HSPA12A: variants seen among roughly 807,000 people sequenced by gnomAD.
HSPA12A encodes the protein heat shock 70 kDa protein 12A.
Under a neutral mutation model 69.2 loss-of-function variants are expected in HSPA12A, and 28 were observed. That is an observed-to-expected ratio of 0.40 (90% CI 0.30 to 0.55). HSPA12A has a LOEUF of 0.55. HSPA12A is among the 20% of genes least tolerant of loss of function. HSPA12A has a pLI of 0.38. For missense variants in HSPA12A, 686 were observed against 900.7 expected (o/e 0.76, Z 3.05); for synonymous variants, 345 against 370.5 (o/e 0.93, Z 0.79).
chr10:116,841,298 T>C (rs1240014908), intron 1 of HSPA12A, among the ~76,000 whole-genome samples: 1 of 152,220 alleles, frequency 6.6e-6, no homozygotes, highest in East Asian at 1.9e-4. Flanking sequence ...ATTTCCATTT[T>C]AGAAATCATA....
intron 2 of HSPA12A, among the ~76,000 whole-genome samples, chr10:116,777,896 T>G (rs1024561830): frequency 6.6e-6 from 1 of 152,096 alleles, no homozygotes; most frequent in Non-Finnish European, 1.5e-5. Flanking sequence ...CCCAGCTAAT[T>G]TTTGTATTTT....
chr10:116,820,686 T>C (rs1359126094), intron 2 of HSPA12A, among the ~76,000 whole-genome samples: 1 of 152,022 alleles, frequency 6.6e-6, no homozygotes, highest in Non-Finnish European at 1.5e-5. Context: ...CTCATTCCCA[T>C]CTACACTCTT....
At chr10:116,713,174 T>A (rs1383133774) in intron 1 of HSPA12A, among the ~76,000 whole-genome samples, 1 of 150,992 alleles carries the variant, frequency 6.6e-6, no homozygotes, top group Non-Finnish European at 1.5e-5. Context: ...CATATGTAGG[T>A]TACTGGCAAA....
At chr10:116,778,420 C>T (rs576141801) in intron 2 of HSPA12A, among the ~76,000 whole-genome samples, 3 of 152,286 alleles carry the variant, frequency 2.0e-5, no homozygotes, top group African/African-American at 2.4e-5. Flanking sequence ...CAGGCAGAAT[C>T]GCCCTGACAC....
chr10:116,718,313 G>A (rs1852428652), intron 1 of HSPA12A, among the ~76,000 whole-genome samples: 1 of 152,218 alleles, frequency 6.6e-6, no homozygotes, highest in South Asian at 2.1e-4. Flanking sequence ...CTGTCCCTGG[G>A]GAGGGGAGAG....
rs1179845380 is a variant in HSPA12A, at chr10:116,675,991, C to T, written c.1390+408G>A. 3.9e-5 allele frequency among the ~76,000 whole-genome samples: 6 copies of T among 152,246 alleles called. No individual in the cohort carries two copies. The highest frequency in any genetic ancestry group is 1.4e-4 in the African/African-American group (6 of 41,472). On this transcript the variant is annotated intron_variant, in intron 11 of 11. Coordinates refer to ENST00000369209, the MANE Select transcript of HSPA12A (RefSeq NM_025015.3). This position sits in a 1 kb window ranked among gnomAD's most constrained non-coding sequence, Gnocchi z 5.2. The stretch of plus-strand genomic sequence containing the variant: ...CCCCTAGCAGGGTGAGGATGTCTAA[C>T]ATGTCCCAGTAAAGCAAAGAATATG...
intron 1 of HSPA12A, among the ~76,000 whole-genome samples, chr10:116,841,682 T>G (rs1019036261): frequency 1.3e-5 from 2 of 152,140 alleles, no homozygotes; most frequent in African/African-American, 4.8e-5. Flanking sequence ...ACAGGTAAAT[T>G]TGCCTAAAAT....
rs1554882593 is a variant in HSPA12A at position 116,707,227 on chromosome 10, T to C, written c.99A>G (p.Ile33Met). 1 of 1,611,566 alleles carries C rather than the reference T, an allele frequency of 6.2e-7. No homozygotes were observed. Among genetic ancestry groups the C allele is most frequent in the Non-Finnish European group, 8.5e-7 (1 of 1,179,120 alleles). ...SPARSLGDTG[I>M]TPLSPSHIVN... The stretch of plus-strand genomic sequence containing the variant: ...CAATATGGGAGGGGGACAGAGGCGT[T>C]ATTCCTGTGTCCCCAAGACTCCGGG... Residue 33 changes from isoleucine to methionine, a missense_variant, in exon 2 of 12, where the codon ATA becomes ATG. By Grantham distance (10) the Ile-to-Met change is conservative (BLOSUM62 1). Coordinates refer to ENST00000369209, the MANE Select transcript of HSPA12A (RefSeq NM_025015.3).
chr10:116,816,522 G>A (rs898299252), intron 2 of HSPA12A, among the ~76,000 whole-genome samples: 2 of 152,200 alleles, frequency 1.3e-5, no homozygotes, highest in Non-Finnish European at 2.9e-5. Flanking sequence ...CTGAAGGAGC[G>A]AGCAGAGAAG....
At chr10:116,682,638 A>G (rs1418014140) in intron 7 of HSPA12A, among the ~76,000 whole-genome samples, 1 of 152,170 alleles carries the variant, frequency 6.6e-6, no homozygotes, top group African/African-American at 2.4e-5. Flanking sequence ...GAGGGCACAA[A>G]TCATTGTCCC....
intron 2 of HSPA12A, among the ~76,000 whole-genome samples, chr10:116,794,139 A>C (rs530950341): frequency 1.3e-5 from 2 of 152,108 alleles, no homozygotes; most frequent in Non-Finnish European, 2.9e-5. Flanking sequence ...CGGGAGGTGG[A>C]GCTTGCAGTG....
chr10:116,717,795 G>C (rs782700657), intron 1 of HSPA12A, among the ~76,000 whole-genome samples: 2 of 152,142 alleles, frequency 1.3e-5, no homozygotes, highest in Admixed American at 1.3e-4. Flanking sequence ...TTTACGTTTT[G>C]CTTCTCTAGG....
chr10:116,778,729 A>G (rs567233087), intron 2 of HSPA12A, among the ~76,000 whole-genome samples: 2 of 152,216 alleles, frequency 1.3e-5, no homozygotes, highest in Non-Finnish European at 2.9e-5. Flanking sequence ...ACATGGTGAG[A>G]CCAGCTTGGA....
intron 2 of HSPA12A, among the ~76,000 whole-genome samples, chr10:116,813,916 T>C (rs1005091308): frequency 4.6e-5 from 7 of 151,906 alleles, no homozygotes; most frequent in Non-Finnish European, 8.8e-5. Context: ...TAGAAATGTC[T>C]AGTAATAGAA....
Position 116,675,481 on chromosome 10 carries a change from G to A in HSPA12A, c.1391-63C>T. 6.8e-7 allele frequency: 1 copy of A among 1,478,498 alleles called. No individual in the cohort carries two copies. Among genetic ancestry groups the A allele is most frequent in the East Asian group, 2.5e-5 (1 of 40,600 alleles). The allele number at this position is 1,478,498 out of a possible 1,614,324, so 91.6% of individuals were successfully genotyped here. On this transcript the variant is annotated intron_variant, in intron 11 of 11. Transcript: ENST00000369209. This position sits in a 1 kb window ranked among gnomAD's most constrained non-coding sequence, Gnocchi z 5.2. ...AAAGCCAGCAAGGAAGGGGGAACTG[G>A]GCTGCCTGCATCTGTGGGGAACGGA...
intron 4 of HSPA12A, among the ~76,000 whole-genome samples, chr10:116,699,446 G>A (rs946100334): frequency 8.5e-5 from 13 of 152,074 alleles, no homozygotes; most frequent in Non-Finnish European, 4.4e-5. Context: ...GCAAAAATCA[G>A]GAGGAAGCCC....
At chr10:116,685,839 T>C (rs1214826087) in intron 6 of HSPA12A, among the ~76,000 whole-genome samples, 1 of 152,104 alleles carries the variant, frequency 6.6e-6, no homozygotes, top group African/African-American at 2.4e-5. Flanking sequence ...AAATACCAAA[T>C]GCCTCAAAAT....
In HSPA12A at chr10:116,742,536, C is replaced by T; in HGVS notation, c.-67G>A. 8.4e-7 allele frequency: 1 copy of T among 1,190,908 alleles called. No individual in the cohort carries two copies. Among genetic ancestry groups the T allele is most frequent in the Non-Finnish European group, 1.0e-6 (1 of 961,518 alleles). 73.8% of individuals were successfully genotyped at this position (1,190,908 alleles called of 1,614,324 possible). A position where few individuals can be genotyped will look rare whatever the true frequency, so the allele number is the denominator to read the frequency against. On this transcript the variant is annotated 5_prime_UTR_variant, in exon 1 of 12. Coordinates refer to ENST00000369209, the MANE Select transcript of HSPA12A (RefSeq NM_025015.3). ...CGCCCGTGCCCGTGCGGGTCTCTGT[C>T]CGCGTCCGCGGCGGCGCTCGGGCCG... is the stretch of plus-strand genomic sequence containing the variant.
intron 1 of HSPA12A, among the ~76,000 whole-genome samples, chr10:116,840,361 C>T (rs1417030220): frequency 1.3e-5 from 2 of 152,136 alleles, no homozygotes; most frequent in East Asian, 3.8e-4. Flanking sequence ...CTAAAGCTTA[C>T]ACATTGATAA....
Sources: allele counts gnomAD v4.1 joint callset (sites outside exome capture counted in the v4.1 genomes callset), GRCh38; gene constraint gnomAD v4.1.1; non-coding constraint Gnocchi (gnomAD v3.1); transcripts MANE v1.5; gene names NCBI Gene and HGNC (gene_info 2026-07-23, HGNC 2026-07-21).